SIPA1L1: variants seen among roughly 807,000 people sequenced by gnomAD.
SIPA1L1 encodes the protein signal-induced proliferation-associated 1-like protein 1.
In SIPA1L1, 26 loss-of-function variants were observed where a neutral mutation model predicts 162.7. The observed-to-expected ratio is 0.16, with a 90% CI of 0.12 to 0.22. The LOEUF is 0.22. Ranked by LOEUF, SIPA1L1 falls within the 10% of genes least tolerant of loss-of-function variation. The pLI, the probability that SIPA1L1 is intolerant of heterozygous loss-of-function variation, is 1.00. For missense variants in SIPA1L1, 1,874 were observed against 2,241.0 expected, an observed-to-expected ratio of 0.84 and a Z score of 3.31; for synonymous variants, 829 against 837.4, an observed-to-expected ratio of 0.99 and a Z score of 0.17.
intron 2 of SIPA1L1, among the ~76,000 whole-genome samples, chr14:71,331,839 T>TA (rs1217936214): frequency 6.6e-6 from 1 of 152,038 alleles, no homozygotes; most frequent in Admixed American, 6.6e-5. Context: ...TTGGATGTGT[T>TA]AAAAAATGAA....
chr14:71,405,625 G>A (rs987550877), intron 2 of SIPA1L1, among the ~76,000 whole-genome samples: 2 of 152,170 alleles, frequency 1.3e-5, no homozygotes, highest in East Asian at 1.9e-4. Flanking sequence ...CACTAAGCTC[G>A]GAGTTACTCT....
intron 2 of SIPA1L1, among the ~76,000 whole-genome samples, chr14:71,478,026 T>C (rs900176790): frequency 3.3e-5 from 5 of 152,232 alleles, no homozygotes; most frequent in Non-Finnish European, 5.9e-5. Flanking sequence ...TTTCCTGTTA[T>C]CAAGGTATTA....
intron 2 of SIPA1L1, among the ~76,000 whole-genome samples, chr14:71,427,885 G>A (rs959531841): frequency 6.6e-6 from 1 of 151,834 alleles, no homozygotes; most frequent in East Asian, 1.9e-4. Flanking sequence ...CTGCCAACAA[G>A]TATTTTTCAG....
intron 6 of SIPA1L1, among the ~76,000 whole-genome samples, chr14:71,620,788 T>G (rs929731741): frequency 1.3e-5 from 2 of 152,226 alleles, no homozygotes; most frequent in African/African-American, 4.8e-5. Flanking sequence ...TTCTTTCTGC[T>G]TTACTCCCTT....
chr14:71,546,602 G>A (rs781060784), intron 4 of SIPA1L1, among the ~76,000 whole-genome samples: 183 of 151,988 alleles, frequency 1.2e-3, no homozygotes, highest in Non-Finnish European at 1.9e-3. Context: ...GGCTTGTCTC[G>A]AACTCCTGAC....
In SIPA1L1 at chr14:71,650,973, CTAT is replaced by C. The variant is rs560387252; in HGVS notation, c.1993+475_1993+477del. 6.6e-5 allele frequency among the ~76,000 whole-genome samples: 10 copies of C among 151,918 alleles called. 1 individual carries two copies. In the South Asian group the frequency reaches 1.7e-3, roughly 25 times the overall value. On this transcript the variant is annotated intron_variant, in intron 8 of 23. Coordinates refer to ENST00000381232, the MANE Select transcript of SIPA1L1 (RefSeq NM_001386936.1). ...CTTTTTACATCTAGGGTTTTTGTTT[CTAT>C]TATTATTATTCACAGTCTACTTAAT...
intron 2 of SIPA1L1, among the ~76,000 whole-genome samples, chr14:71,509,744 CAAA>C (rs200495533): frequency 8.8e-6 from 1 of 113,782 alleles, no homozygotes; most frequent in Admixed American, 9.2e-5. Flanking sequence ...AACTCCATCT[CAAA>C]AAAAAAAAAA....
At chr14:71,348,500 G>A (rs1468474046) in intron 2 of SIPA1L1, among the ~76,000 whole-genome samples, 1 of 152,114 alleles carries the variant, frequency 6.6e-6, no homozygotes, top group African/African-American at 2.4e-5. Context: ...TTCTTTTGAT[G>A]GATGTTTGAG....
intron 7 of SIPA1L1, among the ~76,000 whole-genome samples, chr14:71,639,325 G>A (rs188549960): frequency 2.4e-4 from 36 of 152,218 alleles, no homozygotes; most frequent in Admixed American, 6.5e-4. Flanking sequence ...CAGGAGGATC[G>A]CTTGAGCCCA....
intron 2 of SIPA1L1, among the ~76,000 whole-genome samples, chr14:71,501,050 G>A (rs748221295): frequency 1.6e-4 from 25 of 152,338 alleles, no homozygotes; most frequent in Non-Finnish European, 3.5e-4. Flanking sequence ...GCCGAGTGCA[G>A]CGGCTCAGGC....
chr14:71,598,281 T>C, intron 5 of SIPA1L1: 14 of 937,154 alleles, frequency 1.5e-5, no homozygotes, highest in Non-Finnish European at 1.8e-5. Context: ...AATCAGTGAA[T>C]GACTGTTTCA....
intron 12 of SIPA1L1, among the ~76,000 whole-genome samples, chr14:71,673,847 A>G (rs2044789739): frequency 6.6e-6 from 1 of 152,194 alleles, no homozygotes; most frequent in African/African-American, 2.4e-5. Flanking sequence ...TGCCTTAGTT[A>G]ACCAGGTCTA....
In SIPA1L1 at chr14:71,739,203, C is replaced by G; in HGVS notation, c.*42C>G. 2 of 1,562,344 alleles carry G rather than the reference C, an allele frequency of 1.3e-6. No individual in the cohort carries two copies. Among genetic ancestry groups the G allele is most frequent in the Non-Finnish European group, 1.7e-6 (2 of 1,147,772 alleles). ...CAGGAGAAGGGCCCAGACACTCCCT[C>G]CAGTGAGTGTCCTGCAGCCCTTATT... On this transcript the variant is annotated 3_prime_UTR_variant, in exon 24 of 24. Coordinates refer to ENST00000381232, the MANE Select transcript of SIPA1L1 (RefSeq NM_001386936.1).
chr14:71,515,393 GTTAACC>G (rs1157802598), intron 3 of SIPA1L1, among the ~76,000 whole-genome samples: 1 of 152,078 alleles, frequency 6.6e-6, no homozygotes, highest in Non-Finnish European at 1.5e-5. Flanking sequence ...CATTTTTTCT[GTTAACC>G]TGTATAATTG....
chr14:71,581,982 G>C (rs1177009799), intron 4 of SIPA1L1, among the ~76,000 whole-genome samples: 1 of 152,104 alleles, frequency 6.6e-6, no homozygotes, highest in Non-Finnish European at 1.5e-5. Flanking sequence ...AAATGTAAGA[G>C]ATAAACATTG....
intron 2 of SIPA1L1, among the ~76,000 whole-genome samples, chr14:71,466,925 T>C (rs553349780): frequency 6.6e-6 from 1 of 152,364 alleles, no homozygotes; most frequent in East Asian, 1.9e-4. Context: ...AATTTGGGCA[T>C]GTTATGTGAG....
chr14:71,421,309 C>T (rs2043171697), intron 2 of SIPA1L1, among the ~76,000 whole-genome samples: 1 of 151,990 alleles, frequency 6.6e-6, no homozygotes, highest in South Asian at 2.1e-4. Context: ...TAAAGTAAAT[C>T]TGGCCAGGCA....
intron 4 of SIPA1L1, among the ~76,000 whole-genome samples, chr14:71,566,443 C>T (rs953935630): frequency 6.6e-6 from 1 of 151,946 alleles, no homozygotes; most frequent in Non-Finnish European, 1.5e-5. Flanking sequence ...TAAAATTAGC[C>T]GAGGAAGTAG....
chr14:71,585,094 GT>G (rs1420445558), intron 4 of SIPA1L1, among the ~76,000 whole-genome samples: 2 of 129,698 alleles, frequency 1.5e-5, no homozygotes, highest in Non-Finnish European at 3.2e-5. Flanking sequence ...AGTGCCCAAA[GT>G]TTATATTGTA....
Sources: gnomAD v4.1 joint callset for allele counts (sites outside exome capture counted in the v4.1 genomes callset) on GRCh38, gnomAD v4.1.1 for gene constraint, MANE v1.5 for transcripts, NCBI Gene and HGNC (gene_info 2026-07-23, HGNC 2026-07-21) for gene names.